RGS8: variants seen among roughly 807,000 people sequenced by gnomAD.
RGS8 encodes regulator of G protein signaling 8.
A neutral mutation model predicts 21.7 loss-of-function variants in RGS8; 8 were observed. The observed-to-expected ratio is 0.37, with a 90% CI of 0.22 to 0.66. The LOEUF is 0.66. Among genes scored for constraint, RGS8 ranks in the 30% least tolerant of loss-of-function variants. RGS8 has a pLI of 0.59. For synonymous variants in RGS8, 80 were observed against 83.6 expected, an observed-to-expected ratio of 0.96 and a Z score of 0.24; for missense variants, 157 against 217.9, an observed-to-expected ratio of 0.72 and a Z score of 1.76.
chr1:182,726,018 T>C, the RGS8 span, among the ~76,000 whole-genome samples: 2 of 152,198 alleles, frequency 1.3e-5, no homozygotes, highest in Non-Finnish European at 2.9e-5. Context: ...CCACAACTGC[T>C]ATTAGCACTG....
At chr1:182,653,668 C>T (rs921306729) in intron 5 of RGS8, among the ~76,000 whole-genome samples, 3 of 151,472 alleles carry the variant, frequency 2.0e-5, no homozygotes, top group Non-Finnish European at 2.9e-5. Flanking sequence ...CATTCCAGCC[C>T]GGGCAACAGA....
exon 7 of RGS8, chr1:182,646,779 T>G: frequency 6.2e-7 from 1 of 1,614,120 alleles, no homozygotes; most frequent in Non-Finnish European, 8.5e-7. Flanking sequence ...TCTAAGTACA[T>G]TTTGGACCTC....
At chr1:182,748,760 G>A in the RGS8 span, among the ~76,000 whole-genome samples, 1 of 152,176 alleles carries the variant, frequency 6.6e-6, no homozygotes, top group South Asian at 2.1e-4. Flanking sequence ...ATCCTCCCCA[G>A]CACTTGTTCT....
At chr1:182,672,822 C>T (rs983128588), upstream of RGS8, 2 of 1,614,030 alleles carry the variant, frequency 1.2e-6, no homozygotes, top group African/African-American at 2.7e-5. Flanking sequence ...TCCTTACCCA[C>T]ATGGGTCTTC....
chr1:182,751,597 C>A, the RGS8 span, among the ~76,000 whole-genome samples: 1 of 150,696 alleles, frequency 6.6e-6, no homozygotes, highest in Non-Finnish European at 1.5e-5. Flanking sequence ...CACATCCTAC[C>A]ACATACATTT....
the RGS8 span, among the ~76,000 whole-genome samples, chr1:182,722,331 A>C: frequency 7.1e-6 from 1 of 141,310 alleles, no homozygotes; most frequent in African/African-American, 2.7e-5. Flanking sequence ...ATTGCACTGC[A>C]TGAGTTTCTT....
the RGS8 span, among the ~76,000 whole-genome samples, chr1:182,719,988 T>C: frequency 1.3e-5 from 2 of 152,362 alleles, no homozygotes; most frequent in East Asian, 3.9e-4. Flanking sequence ...AATTGACCTT[T>C]GTTTCTGAGC....
In RGS8 at chr1:182,684,167, T is replaced by C. The variant is rs1180830201; in HGVS notation, n.221+189A>G. On this transcript the variant is annotated intron_variant and non_coding_transcript_variant, in intron 1 of 4. Coordinates refer to the RGS8 transcript ENST00000515211. This position sits in a 1 kb window ranked among gnomAD's most constrained non-coding sequence, Gnocchi z 4.2. ...GAAGAACAGGCATATTTCTACACCCTTGCTCCTGGCGGAGGTGGCGGGCTT... is the reference window on the plus strand; with the variant it reads ...GAAGAACAGGCATATTTCTACACCCCTGCTCCTGGCGGAGGTGGCGGGCTT... Among the ~76,000 whole-genome samples the C allele has an allele frequency of 6.6e-6, 1 of 152,212 alleles. No individual in the cohort carries two copies. Among genetic ancestry groups the C allele is most frequent in the Non-Finnish European group, 1.5e-5 (1 of 68,026 alleles).
At chr1:182,719,759 G>GAA in the RGS8 span, among the ~76,000 whole-genome samples, 1 of 140,490 alleles carries the variant, frequency 7.1e-6, no homozygotes, top group African/African-American at 2.6e-5. Flanking sequence ...GGGGAGAAAG[G>GAA]AAAAAAAAAA....
the RGS8 span, among the ~76,000 whole-genome samples, chr1:182,748,287 A>G: frequency 1.3e-5 from 2 of 152,178 alleles, no homozygotes; most frequent in African/African-American, 2.4e-5. Flanking sequence ...ATCTCTGCCT[A>G]TGGCAACCAC....
At chr1:182,746,234 T>A in the RGS8 span, among the ~76,000 whole-genome samples, 1 of 152,198 alleles carries the variant, frequency 6.6e-6, no homozygotes, top group Non-Finnish European at 1.5e-5. Flanking sequence ...TCAGTACAAA[T>A]CTGCAAAATA....
At position 182,648,756 on chromosome 1, in the gene RGS8, C is replaced by T. The variant is rs569108705; in HGVS notation, c.194-453G>A. Among the ~76,000 whole-genome samples, 52 of 151,912 alleles carry T rather than the reference C, an allele frequency of 3.4e-4. 1 individual carries two copies. Among genetic ancestry groups the T allele is most frequent in the Middle Eastern group, 3.4e-3 (1 of 294 alleles). Reference sequence around the variant, plus strand: ...TCTCAAAAAAAGAAAAAAAAAGACCCCATTCTCTTAGACACAAAAGTGTCC... The same window carrying T: ...TCTCAAAAAAAGAAAAAAAAAGACCTCATTCTCTTAGACACAAAAGTGTCC... On this transcript the variant is annotated intron_variant, in intron 5 of 6. Transcript: ENST00000483095.
At chr1:182,673,781 C>T (rs1169149424), upstream of RGS8, among the ~76,000 whole-genome samples, 2 of 152,122 alleles carry the variant, frequency 1.3e-5, no homozygotes, top group South Asian at 2.1e-4. Context: ...TCTTGGTACA[C>T]GGCACCATAA....
chr1:182,676,162 G>A (rs1664346870), upstream of RGS8, among the ~76,000 whole-genome samples: 2 of 152,144 alleles, frequency 1.3e-5, no homozygotes, highest in Non-Finnish European at 2.9e-5. Flanking sequence ...AGAGCAAAAG[G>A]AGCACCTGGC....
intron 1 of RGS8, 71 bp from the exon 3 acceptor site, chr1:182,671,801 C>A: frequency 6.2e-7 from 1 of 1,607,974 alleles, no homozygotes; most frequent in Non-Finnish European, 8.5e-7. Flanking sequence ...TGCATGAACA[C>A]ATAGGGGCAC....
upstream of RGS8, among the ~76,000 whole-genome samples, chr1:182,673,464 G>A (rs1664255660): frequency 6.6e-6 from 1 of 151,556 alleles, no homozygotes; most frequent in African/African-American, 2.4e-5. Flanking sequence ...TATCATACCA[G>A]GACCCAGTCT....
chr1:182,669,954 T>C (rs1664074918), intron 2 of RGS8, among the ~76,000 whole-genome samples: 1 of 152,212 alleles, frequency 6.6e-6, no homozygotes, highest in Non-Finnish European at 1.5e-5. Flanking sequence ...TTGTTGATTA[T>C]TGGTTAGGAG....
At chr1:182,647,368 G>C (rs1258877749) in intron 6 of RGS8, among the ~76,000 whole-genome samples, 1 of 152,206 alleles carries the variant, frequency 6.6e-6, no homozygotes, top group Admixed American at 6.5e-5. Flanking sequence ...GCCCTGGTTA[G>C]AATGCACATC....
the RGS8 span, among the ~76,000 whole-genome samples, chr1:182,702,857 C>A: frequency 2.0e-5 from 3 of 152,194 alleles, no homozygotes; most frequent in Admixed American, 6.5e-5. Context: ...AATAGGTGTT[C>A]ACCTACCATA....
Sources: allele counts gnomAD v4.1 joint callset (sites outside exome capture counted in the v4.1 genomes callset), GRCh38; gene constraint gnomAD v4.1.1; non-coding constraint Gnocchi (gnomAD v3.1); transcripts MANE v1.5; gene names NCBI Gene and HGNC (gene_info 2026-07-23, HGNC 2026-07-21).